The following MTMR4 variants were observed in gnomAD, a reference collection of about 807,000 sequenced individuals.
MTMR4 encodes the protein phosphatidylinositol-3,5-bisphosphate 3-phosphatase MTMR4.
MTMR4 carries 30 observed loss-of-function variants against 125.5 expected under a neutral mutation model. The observed-to-expected ratio is 0.24, with a 90% CI of 0.18 to 0.32. The LOEUF is 0.32. Ranked by LOEUF, MTMR4 falls within the 10% of genes least tolerant of loss-of-function variation. The probability of loss-of-function intolerance (pLI) is 1.00; values close to 1 mark genes in which losing one functional copy is unlikely to be tolerated. For synonymous variants in MTMR4, 498 were observed against 564.5 expected, an observed-to-expected ratio of 0.88 and a Z score of 1.67; for missense variants, 1,039 against 1,511.5, an observed-to-expected ratio of 0.69 and a Z score of 5.18.
chr17:58,496,784 T>G (rs1598213651), intron 14 of MTMR4, among the ~76,000 whole-genome samples: 1 of 152,362 alleles, frequency 6.6e-6, no homozygotes, highest in South Asian at 2.1e-4. Context: ...GCTAATTAGC[T>G]ACATGACTAC....
At chr17:58,505,328 G>T in intron 10 of MTMR4, 144 bp downstream of exon 10, 2 of 663,898 alleles carry the variant, frequency 3.0e-6, no homozygotes, top group Non-Finnish European at 5.2e-6. Flanking sequence ...AAGGGTTCTT[G>T]GAACTAGCCC....
chr17:58,504,588 GA>G lies in MTMR4; in HGVS notation c.1342-101del, dbSNP rs1905829345. On this transcript the variant is annotated intron_variant, in intron 11 of 17. Transcript: ENST00000682306. This position sits in a 1 kb window ranked among gnomAD's most constrained non-coding sequence, Gnocchi z 7.1. ...AAAGCAGGAAGCTGGCAGCTTCAAA[GA>G]AAAATAGGACTGGACCTAGAAGAGG... 1 of 1,426,730 alleles carries G rather than the reference GA, an allele frequency of 7.0e-7. No homozygotes were observed. Among genetic ancestry groups the G allele is most frequent in the Non-Finnish European group, 9.5e-7 (1 of 1,057,198 alleles). 88.4% of individuals were successfully genotyped at this position (1,426,730 alleles called of 1,614,324 possible). A position where few individuals can be genotyped will look rare whatever the true frequency, so the allele number is the denominator to read the frequency against.
At chr17:58,506,431 C>T (rs543331379) in intron 9 of MTMR4, among the ~76,000 whole-genome samples, 4 of 152,210 alleles carry the variant, frequency 2.6e-5, no homozygotes, top group Admixed American at 6.5e-5. Flanking sequence ...TCAAGCCATC[C>T]GCCTGCCTCT....
Position 58,495,808 on chromosome 17 carries a change from A to G in MTMR4, c.2376T>C (p.Phe792=). Residue 792 remains phenylalanine, a synonymous_variant, in exon 15 of 18, where the codon TTT becomes TTC. Coordinates refer to ENST00000682306, the MANE Select transcript of MTMR4 (RefSeq NM_001378067.1). ...TAGGAGAGTTCTGGGAAGACTCAGG[A>G]AAATTACAAACTCCATCACACTTGT... is the stretch of plus-strand genomic sequence containing the variant. ...ISNKCDGVCN[F]PESSQNSPTG... The G allele has an allele frequency of 6.2e-7, 1 of 1,614,158 alleles. No homozygotes were observed. Among genetic ancestry groups the G allele is most frequent in the Non-Finnish European group, 8.5e-7 (1 of 1,180,030 alleles).
At position 58,496,338 on chromosome 17, in the gene MTMR4, G is replaced by A. The variant is rs772853155; in HGVS notation, c.1854-8C>T. On this transcript the variant is annotated splice_polypyrimidine_tract_variant and splice_region_variant and intron_variant, in intron 14 of 17. Coordinates refer to ENST00000682306, the MANE Select transcript of MTMR4 (RefSeq NM_001378067.1). Reference sequence around the variant, plus strand: ...GATCTGGTTTTAGGTAATCTGGAAAGACAAATATAACACCTCCAGGTCAGG... The same window carrying A: ...GATCTGGTTTTAGGTAATCTGGAAAAACAAATATAACACCTCCAGGTCAGG... 1 of 1,592,182 alleles carries A rather than the reference G, an allele frequency of 6.3e-7. No homozygotes were observed. Among genetic ancestry groups the A allele is most frequent in the Non-Finnish European group, 8.6e-7 (1 of 1,169,112 alleles).
Position 58,495,985 on chromosome 17 carries a change from A to G in MTMR4, c.2199T>C (p.Asp733=). 6.2e-7 allele frequency: 1 copy of G among 1,614,070 alleles called. No individual in the cohort carries two copies. Among genetic ancestry groups the G allele is most frequent in the Non-Finnish European group, 8.5e-7 (1 of 1,180,016 alleles). ...TCTCTTCTAGGACTTTGATCTCAGG[A>G]TCAGAGGTGTTGCTCTTCATTTCCC... ...VPREMKSNTS[D]PEIKVLEETK... The change falls in exon 15 of 18, where the codon GAT becomes GAC. Residue 733 remains aspartate (D), a synonymous_variant. Coordinates refer to ENST00000682306, the MANE Select transcript of MTMR4 (RefSeq NM_001378067.1).
chr17:58,509,128 G>A (rs1301638678), intron 4 of MTMR4, among the ~76,000 whole-genome samples: 2 of 151,984 alleles, frequency 1.3e-5, no homozygotes, highest in African/African-American at 4.8e-5. Flanking sequence ...GCTACCATGT[G>A]GCCCTGAACG....
At chr17:58,493,982 C>T (rs1203658229) in intron 15 of MTMR4, among the ~76,000 whole-genome samples, 3 of 152,070 alleles carry the variant, frequency 2.0e-5, no homozygotes, top group African/African-American at 7.2e-5. Flanking sequence ...AATGACCTTA[C>T]CAGCCTCCCA....
Position 58,495,227 on chromosome 17 carries a change from C to T in MTMR4, c.2957G>A (p.Cys986Tyr), listed in dbSNP as rs1234709406. The change falls in exon 15 of 18, where the codon TGT (cysteine) becomes TAT (tyrosine). Residue 986 changes from cysteine to tyrosine, a missense_variant. Coordinates refer to ENST00000682306, the MANE Select transcript of MTMR4 (RefSeq NM_001378067.1). ...CTGGTTCTTTCCTCCTGGGCCAGTA[C>T]AATGTCCATTGGAATGACTAGAACA... ...PVCSSHSNGH[C>Y]TGPGGKNQMW... The T allele has an allele frequency of 1.9e-6, 3 of 1,614,216 alleles. No homozygotes were observed. Among genetic ancestry groups the T allele is most frequent in the Non-Finnish European group, 2.5e-6 (3 of 1,180,034 alleles).
chr17:58,510,841 T>G (rs1975909370), intron 4 of MTMR4: 1 of 152,280 alleles, frequency 6.6e-6, no homozygotes, highest in Non-Finnish European at 1.5e-5. Flanking sequence ...CCACCCGAAG[T>G]GCTGGTATTA....
chr17:58,506,274 C>T (rs933731409), intron 9 of MTMR4, among the ~76,000 whole-genome samples: 1 of 152,168 alleles, frequency 6.6e-6, no homozygotes, highest in African/African-American at 2.4e-5. Flanking sequence ...CCTCTGCGTC[C>T]CAGATGCAAG....
intron 14 of MTMR4, among the ~76,000 whole-genome samples, chr17:58,498,100 TGCCTGTAAACCCA>T (rs1975520179): frequency 1.3e-5 from 2 of 152,032 alleles, no homozygotes; most frequent in South Asian, 2.1e-4. Flanking sequence ...TGGTGGTGCA[TGCCTGTAAACCCA>T]GCTCCTACTT....
upstream of MTMR4, chr17:58,517,870 C>T (rs1815678822): frequency 6.5e-6 from 1 of 154,460 alleles, no homozygotes; most frequent in African/African-American, 2.4e-5. Context: ...CTTCCGTCTC[C>T]CGCAGCTGCT....
chr17:58,513,426 G>T (rs1473931586), intron 1 of MTMR4, among the ~76,000 whole-genome samples: 1 of 152,082 alleles, frequency 6.6e-6, no homozygotes, highest in South Asian at 2.1e-4. Flanking sequence ...AGGAGTGGGT[G>T]GGGGGATTCA....
At chr17:58,511,356 G>T in intron 4 of MTMR4, 73 bp downstream of exon 4, 1 of 1,310,176 alleles carries the variant, frequency 7.6e-7, no homozygotes, top group Non-Finnish European at 1.1e-6. Context: ...TCTTGCACCA[G>T]AGAAACCCTG....
upstream of MTMR4, chr17:58,516,540 A>G: frequency 6.2e-7 from 1 of 1,612,660 alleles, no homozygotes; most frequent in Non-Finnish European, 8.5e-7. Context: ...CACATGGATT[A>G]CAGAAAACAC....
intron 1 of MTMR4, 98 bp downstream of exon 1, chr17:58,514,265 C>G: frequency 2.3e-5 from 22 of 967,818 alleles, no homozygotes; most frequent in Non-Finnish European, 2.6e-5. Flanking sequence ...GGGGCCGGGC[C>G]AGGGGCCTCG....
Position 58,503,869 on chromosome 17 carries a change from G to C in MTMR4, c.1728C>G (p.Ala576=). The change falls in exon 14 of 18, where the codon GCC becomes GCG. Residue 576 remains alanine, a synonymous_variant. Transcript: ENST00000682306. Reference sequence around the variant, plus strand: ...GATAAACAGCTGTCCAGAGGTGCAGGGCCCGGACATGACAAACAGGATGCA... The same window carrying C: ...GATAAACAGCTGTCCAGAGGTGCAGCGCCCGGACATGACAAACAGGATGCA... ...MVLHPVCHVR[A]LHLWTAVYLP... is the part of the protein sequence containing the mutation. The C allele has an allele frequency of 6.2e-7, 1 of 1,614,060 alleles. No individual in the cohort carries two copies. The highest frequency in any genetic ancestry group is 8.5e-7 in the Non-Finnish European group (1 of 1,179,998).
intron 17 of MTMR4, among the ~76,000 whole-genome samples, chr17:58,492,190 T>G (rs979713312): frequency 6.6e-6 from 1 of 152,210 alleles, no homozygotes; most frequent in Non-Finnish European, 1.5e-5. Flanking sequence ...TTGTCCTTTT[T>G]GAGACAGAGT....
Sources: allele counts gnomAD v4.1 joint callset (sites outside exome capture counted in the v4.1 genomes callset), GRCh38; gene constraint gnomAD v4.1.1; non-coding constraint Gnocchi (gnomAD v3.1); transcripts MANE v1.5; gene names NCBI Gene and HGNC (gene_info 2026-07-23, HGNC 2026-07-21).